The following NRG1 variants were observed in gnomAD, a reference collection of about 807,000 sequenced individuals.
The protein encoded by NRG1 is pro-neuregulin-1, membrane-bound isoform.
Under a neutral mutation model 63.8 loss-of-function variants are expected in NRG1, and 18 were observed. The ratio of observed to expected loss-of-function variants is 0.28; its 90% CI spans 0.19 to 0.42. NRG1 has a LOEUF of 0.42. NRG1 is among the 10% of genes least tolerant of loss of function. The pLI, the probability that NRG1 is intolerant of heterozygous loss-of-function variation, is 1.00. For missense variants in NRG1, 762 were observed against 814.7 expected, an observed-to-expected ratio of 0.94 and a Z score of 0.79; for synonymous variants, 302 against 301.3, an observed-to-expected ratio of 1.00 and a Z score of -0.02.
At chr8:32,255,239 G>T (rs1473076310) in intron 1 of NRG1, among the ~76,000 whole-genome samples, 1 of 152,184 alleles carries the variant, frequency 6.6e-6, no homozygotes, top group Non-Finnish European at 1.5e-5. Flanking sequence ...TCATTATGAT[G>T]CTAGCTGGTT....
chr8:31,779,303 A>G (rs1465068972), intron 1 of NRG1, among the ~76,000 whole-genome samples: 1 of 152,170 alleles, frequency 6.6e-6, no homozygotes, highest in Non-Finnish European at 1.5e-5. Context: ...ATTGCCTGTT[A>G]TAGTGTGCTG....
intron 1 of NRG1, among the ~76,000 whole-genome samples, chr8:31,722,484 G>A (rs2131312650): frequency 6.6e-6 from 1 of 152,164 alleles, no homozygotes; most frequent in African/African-American, 2.4e-5. Flanking sequence ...AGTATTGTTT[G>A]CAAAGGTCTA....
At chr8:31,977,626 A>G (rs1050312777) in intron 1 of NRG1, among the ~76,000 whole-genome samples, 1 of 152,132 alleles carries the variant, frequency 6.6e-6, no homozygotes, top group Non-Finnish European at 1.5e-5. Flanking sequence ...ATTATAGGTG[A>G]AATTTAAAAA....
chr8:32,611,777 T>C (rs1357919653), intron 3 of NRG1, among the ~76,000 whole-genome samples: 1 of 152,102 alleles, frequency 6.6e-6, no homozygotes, highest in Non-Finnish European at 1.5e-5. Context: ...AAAAGTCACA[T>C]AAGTGAATGT....
At chr8:31,840,849 C>T (rs920171107) in intron 1 of NRG1, among the ~76,000 whole-genome samples, 8 of 152,004 alleles carry the variant, frequency 5.3e-5, no homozygotes, top group South Asian at 4.2e-4. Flanking sequence ...AGAACACTGC[C>T]GAGTCATTAG....
At chr8:32,409,564 A>T (rs548245094) in intron 1 of NRG1, among the ~76,000 whole-genome samples, 3 of 152,334 alleles carry the variant, frequency 2.0e-5, no homozygotes, top group East Asian at 3.9e-4. Flanking sequence ...TTTTAAGAAC[A>T]GAATGAGGAC....
chr8:31,767,231 C>G (rs953546199), intron 1 of NRG1, among the ~76,000 whole-genome samples: 5 of 152,126 alleles, frequency 3.3e-5, no homozygotes, highest in Non-Finnish European at 2.9e-5. Context: ...AGCTCAGGAA[C>G]AGAAGTGTAG....
At chr8:32,027,954 A>T (rs1232242746) in intron 1 of NRG1, among the ~76,000 whole-genome samples, 1 of 152,198 alleles carries the variant, frequency 6.6e-6, no homozygotes, top group African/African-American at 2.4e-5. Context: ...TGGCTTAAAA[A>T]ACAAAGGACA....
intron 1 of NRG1, among the ~76,000 whole-genome samples, chr8:32,577,590 G>A (rs992003045): frequency 6.6e-6 from 1 of 152,090 alleles, no homozygotes; most frequent in Non-Finnish European, 1.5e-5. Context: ...ACTATAAACT[G>A]AACACCAACA....
chr8:32,724,246 A>G (rs189044810), intron 5 of NRG1, among the ~76,000 whole-genome samples: 1 of 152,338 alleles, frequency 6.6e-6, no homozygotes, highest in Non-Finnish European at 1.5e-5. Context: ...GACAACTTAC[A>G]AATTGTGAAA....
chr8:32,227,702 C>T (rs916196845), intron 1 of NRG1, among the ~76,000 whole-genome samples: 3 of 152,132 alleles, frequency 2.0e-5, no homozygotes, highest in South Asian at 4.1e-4. Flanking sequence ...TCTTTCTCCC[C>T]AGGGGAGACC....
At chr8:32,607,861 G>C (rs964492825) in intron 3 of NRG1, among the ~76,000 whole-genome samples, 6 of 152,018 alleles carry the variant, frequency 3.9e-5, no homozygotes, top group Non-Finnish European at 8.8e-5. Flanking sequence ...TCAGAAATAG[G>C]TTCCTATGGA....
intron 1 of NRG1, among the ~76,000 whole-genome samples, chr8:31,966,054 A>G (rs889898933): frequency 2.4e-4 from 37 of 152,256 alleles, no homozygotes; most frequent in African/African-American, 8.4e-4. Context: ...CCCAATCTTC[A>G]CCATTACACA....
intron 5 of NRG1, among the ~76,000 whole-genome samples, chr8:32,640,618 C>CCACACA (rs1554614968): frequency 1.2e-5 from 1 of 82,826 alleles, no homozygotes; most frequent in Non-Finnish European, 2.3e-5. Context: ...GATCTCAGAC[C>CCACACA]CGCACACACA....
intron 1 of NRG1, among the ~76,000 whole-genome samples, chr8:31,839,613 G>A (rs1477143041): frequency 1.3e-5 from 2 of 152,108 alleles, no homozygotes; most frequent in African/African-American, 2.4e-5. Flanking sequence ...TGAGCAAGGT[G>A]TTTTATGTTG....
chr8:31,729,237 G>GT (rs55859430), intron 1 of NRG1, among the ~76,000 whole-genome samples: 96 of 149,736 alleles, frequency 6.4e-4, no homozygotes, highest in East Asian at 1.4e-3. Flanking sequence ...AATAAACAAA[G>GT]TTTTTTTTTT....
At chr8:32,459,182 T>C (rs1821991387) in intron 1 of NRG1, among the ~76,000 whole-genome samples, 1 of 152,176 alleles carries the variant, frequency 6.6e-6, no homozygotes. Flanking sequence ...CCAGCTCTTC[T>C]GGTCTTGCCC....
At chr8:32,651,741 G>A (rs1855174094) in intron 5 of NRG1, among the ~76,000 whole-genome samples, 1 of 152,170 alleles carries the variant, frequency 6.6e-6, no homozygotes, top group Non-Finnish European at 1.5e-5. Context: ...TCAACATGAT[G>A]AGTTGGATAT....
chr8:32,605,781 G>A (rs1845158195), intron 3 of NRG1, 98 bp downstream of exon 3: 2 of 1,350,924 alleles, frequency 1.5e-6, no homozygotes, highest in Admixed American at 2.4e-5. Flanking sequence ...AAATCTCATT[G>A]TGAACAAATT....
Sources: allele counts gnomAD v4.1 joint callset (sites outside exome capture counted in the v4.1 genomes callset), GRCh38; gene constraint gnomAD v4.1.1; transcripts MANE v1.5; gene names NCBI Gene and HGNC (gene_info 2026-07-23, HGNC 2026-07-21).